Variants in GRIK3 observed in about 807,000 individuals in gnomAD.
GRIK3 encodes glutamate ionotropic receptor kainate type subunit 3, also known as glutamate receptor ionotropic, kainate 3.
A neutral mutation model predicts 102.5 loss-of-function variants in GRIK3; 29 were observed. That is an observed-to-expected ratio of 0.28 (90% CI 0.21 to 0.39). The LOEUF is 0.39. Ranked by LOEUF, GRIK3 falls within the 10% of genes least tolerant of loss-of-function variation. The probability of loss-of-function intolerance (pLI) is 1.00; values close to 1 mark genes in which losing one functional copy is unlikely to be tolerated. For synonymous variants in GRIK3, 511 were observed against 504.9 expected (o/e 1.01, Z -0.16); for missense variants, 908 against 1,252.4 (o/e 0.73, Z 4.15).
At chr1:36,972,928 C>T (rs903174944) in intron 1 of GRIK3, among the ~76,000 whole-genome samples, 1 of 152,174 alleles carries the variant, frequency 6.6e-6, no homozygotes, top group Admixed American at 6.5e-5. Flanking sequence ...CATGGGGGCC[C>T]AGGGTCTCCA....
chr1:36,952,644 G>A (rs1641858838), intron 1 of GRIK3, among the ~76,000 whole-genome samples: 1 of 152,170 alleles, frequency 6.6e-6, no homozygotes, highest in South Asian at 2.1e-4. Flanking sequence ...GGTCAACAGT[G>A]GGGAGGAACT....
intron 10 of GRIK3, among the ~76,000 whole-genome samples, chr1:36,838,605 C>T (rs1031362694): frequency 3.3e-5 from 5 of 152,076 alleles, no homozygotes; most frequent in African/African-American, 4.8e-5. Context: ...GGGACAGAGG[C>T]GAGCAGGGAG....
chr1:36,859,807 G>T lies in GRIK3; in HGVS notation c.960+37C>A, dbSNP rs770346376. ...GAGAAGAAAAGAAGGGAGGCAGGTG[G>T]GAAGCCCCTGGAATTCACCTCACCC... On this transcript the variant is annotated intron_variant, in intron 6 of 15. Coordinates refer to ENST00000373091, the MANE Select transcript of GRIK3 (RefSeq NM_000831.4). 4 of 1,530,468 alleles carry T rather than the reference G, an allele frequency of 2.6e-6. 1 individual carries two copies. In the Admixed American group the frequency reaches 5.0e-5, roughly 19 times the overall value. The allele number at this position is 1,530,468 out of a possible 1,614,324, so 94.8% of individuals were successfully genotyped here.
intron 1 of GRIK3, among the ~76,000 whole-genome samples, chr1:36,906,049 C>T (rs2124289394): frequency 6.6e-6 from 1 of 152,298 alleles, no homozygotes; most frequent in Non-Finnish European, 1.5e-5. Context: ...CAGTCTTATC[C>T]TATATAAAAC....
chr1:36,803,082 A>G (rs1280720740), intron 15 of GRIK3, among the ~76,000 whole-genome samples: 2 of 152,150 alleles, frequency 1.3e-5, no homozygotes, highest in African/African-American at 4.8e-5. Flanking sequence ...GAACAAATAA[A>G]TAATTTCAGA....
rs1042127157 is a variant in GRIK3 at position 36,880,613 on chromosome 1, T to A, written c.550+21A>T. 42 of 1,612,076 alleles carry A rather than the reference T, an allele frequency of 2.6e-5. No individual in the cohort carries two copies. The highest frequency in any genetic ancestry group is 3.6e-5 in the Non-Finnish European group (42 of 1,178,356). On this transcript the variant is annotated intron_variant, in intron 3 of 15. Coordinates refer to ENST00000373091, the MANE Select transcript of GRIK3 (RefSeq NM_000831.4). The surrounding 1 kb of genome is among the most constrained non-coding windows in gnomAD (Gnocchi z 5.4). Reference sequence around the variant, plus strand: ...CCCCCCTCAACCGTTGCCCCCAGCCTAGCCAGGCCTGGCCACCCACCTGTA... The same window carrying A: ...CCCCCCTCAACCGTTGCCCCCAGCCAAGCCAGGCCTGGCCACCCACCTGTA...
chr1:36,806,163 T>C lies in GRIK3; in HGVS notation c.2255A>G (p.Asn752Ser), dbSNP rs1457007782. The C allele has an allele frequency of 2.5e-6, 4 of 1,613,900 alleles. No homozygotes were observed. The highest frequency in any genetic ancestry group is 3.4e-6 in the Non-Finnish European group (4 of 1,179,998). Residue 752 changes from asparagine (N) to serine (S), a missense_variant, in exon 14 of 16, where the codon AAC becomes AGC. Physicochemically the swap from Asn to Ser is conservative, Grantham distance 46. Transcript: ENST00000373091. This position sits in a 1 kb window ranked among gnomAD's most constrained non-coding sequence, Gnocchi z 4.0. The stretch of plus-strand genomic sequence containing the variant: ...AATGAGGCCCCCGATCTGGGTGAGG[T>C]TGCAGTTCCTCTGCGTGACGTACTC... ...TIEYVTQRNC[N>S]LTQIGGLIDS...
At chr1:37,031,778 TTCTC>T (rs921529197) in intron 1 of GRIK3, among the ~76,000 whole-genome samples, 5 of 152,222 alleles carry the variant, frequency 3.3e-5, no homozygotes, top group African/African-American at 1.2e-4. Flanking sequence ...TAGCATGAGA[TTCTC>T]TCTCTCTCGC....
intron 9 of GRIK3, among the ~76,000 whole-genome samples, chr1:36,846,092 G>A (rs1640516423): frequency 6.6e-6 from 1 of 152,220 alleles, no homozygotes; most frequent in African/African-American, 2.4e-5. Flanking sequence ...CCCCAAGAGT[G>A]GGCCGGGTGT....
At position 36,811,203 on chromosome 1, in the gene GRIK3, T is replaced by G. The variant is rs116229734; in HGVS notation, c.2092-4877A>C. On this transcript the variant is annotated intron_variant, in intron 13 of 15. Transcript: ENST00000373091. ...CGGAGTCACTCTTTCCCTTTAAGGC[T>G]CCTTAATTCTCTGTAAGGCCCAGTT... Among the ~76,000 whole-genome samples the G allele has an allele frequency of 6.8e-3, 1,038 of 152,290 alleles. 13 individuals are homozygous for G. Among genetic ancestry groups the G allele is most frequent in the African/African-American group, 0.024 (986 of 41,558 alleles).
chr1:36,909,215 A>T lies in GRIK3; in HGVS notation c.116-18119T>A, dbSNP rs80099970. Among the ~76,000 whole-genome samples, 1,437 of 152,206 alleles carry T rather than the reference A, an allele frequency of 9.4e-3. 56 individuals carry two copies. The East Asian group carries it at 0.11, about 12-fold the overall frequency. On this transcript the variant is annotated intron_variant, in intron 1 of 15. Coordinates refer to ENST00000373091, the MANE Select transcript of GRIK3 (RefSeq NM_000831.4). ...TTTTCAGGAATTCTGAAAACCAGTTATTAAACCATTGGCAGCCTGAAATCG... is the reference window on the plus strand; with the variant it reads ...TTTTCAGGAATTCTGAAAACCAGTTTTTAAACCATTGGCAGCCTGAAATCG...
At chr1:36,964,748 G>A (rs775024464) in intron 1 of GRIK3, among the ~76,000 whole-genome samples, 2 of 152,062 alleles carry the variant, frequency 1.3e-5, no homozygotes, top group Non-Finnish European at 2.9e-5. Context: ...GACACCCCAC[G>A]TGATATGACC....
At chr1:36,913,666 C>T (rs533695252) in intron 1 of GRIK3, among the ~76,000 whole-genome samples, 7 of 152,288 alleles carry the variant, frequency 4.6e-5, no homozygotes, top group African/African-American at 1.4e-4. Context: ...AAGCACACAT[C>T]ATTCTCATCA....
In GRIK3 at chr1:37,009,655, G is replaced by T. The variant is rs368145069; in HGVS notation, c.115+24339C>A. ...GGGAGCCCATGTTACCAGAGTTCAG[G>T]GAAATGTCAGACTCTTGGAGAAGGA... On this transcript the variant is annotated intron_variant, in intron 1 of 15. Coordinates refer to ENST00000373091, the MANE Select transcript of GRIK3 (RefSeq NM_000831.4). 5.3e-5 allele frequency among the ~76,000 whole-genome samples: 8 copies of T among 152,148 alleles called. No individual in the cohort carries two copies. In the East Asian group the frequency reaches 1.2e-3, roughly 22 times the overall value.
chr1:36,869,755 G>T lies in GRIK3; in HGVS notation c.779C>A (p.Thr260Asn). Residue 260 changes from threonine to asparagine, a missense_variant, in exon 5 of 16, where the codon ACC becomes AAC. Thr to Asn is a moderately conservative substitution (Grantham distance 65). Transcript: ENST00000373091. ...MMTEYYHFIFTTLDLYALDLE... is the reference protein window; with the variant it reads ...MMTEYYHFIFNTLDLYALDLE... ...GACCCAGAGGTACATTACCAGAGTG[G>T]TGAAGATGAAGTGGTAGTACTCAGT... 6.2e-7 allele frequency: 1 copy of T among 1,609,296 alleles called. No homozygotes were observed. Among genetic ancestry groups the T allele is most frequent in the Non-Finnish European group, 8.5e-7 (1 of 1,175,518 alleles).
intron 1 of GRIK3, among the ~76,000 whole-genome samples, chr1:36,993,859 C>T (rs1390747672): frequency 6.6e-6 from 1 of 152,222 alleles, no homozygotes; most frequent in Non-Finnish European, 1.5e-5. Context: ...CTCACCTCTG[C>T]AGGGCAATAC....
intron 1 of GRIK3, among the ~76,000 whole-genome samples, chr1:36,935,124 C>T (rs1641640992): frequency 6.6e-6 from 1 of 152,172 alleles, no homozygotes; most frequent in Non-Finnish European, 1.5e-5. Context: ...GCAACTGTTG[C>T]CCCTACCATT....
At chr1:36,838,136 T>C (rs484017) in intron 10 of GRIK3, among the ~76,000 whole-genome samples, 29,411 of 152,176 alleles carry the variant, frequency 0.19, 3,384 homozygotes, top group African/African-American at 0.32. Flanking sequence ...TACTGAGCAC[T>C]GGGAACTTGG....
At chr1:36,976,793 G>T (rs1314205759) in intron 1 of GRIK3, among the ~76,000 whole-genome samples, 1 of 152,156 alleles carries the variant, frequency 6.6e-6, no homozygotes, top group African/African-American at 2.4e-5. Flanking sequence ...AGAGCTCTCA[G>T]TTGACCTCCC....
Sources: allele counts gnomAD v4.1 joint callset (sites outside exome capture counted in the v4.1 genomes callset), GRCh38; gene constraint gnomAD v4.1.1; non-coding constraint Gnocchi (gnomAD v3.1); transcripts MANE v1.5; gene names NCBI Gene and HGNC (gene_info 2026-07-23, HGNC 2026-07-21).